Variants in PRELID2 observed in about 807,000 individuals in gnomAD.
PRELID2 encodes the protein PRELI domain-containing protein 2.
A neutral mutation model predicts 28.4 loss-of-function variants in PRELID2; 25 were observed. The ratio of observed to expected loss-of-function variants is 0.88; its 90% CI spans 0.64 to 1.23. The LOEUF (loss-of-function observed/expected upper bound fraction) is 1.23. Among genes scored for constraint, PRELID2 ranks in the 50% most tolerant of loss-of-function variants. The pLI is 0.00. For missense variants in PRELID2, 201 were observed against 214.4 expected, an observed-to-expected ratio of 0.94 and a Z score of 0.39; for synonymous variants, 76 against 71.6, an observed-to-expected ratio of 1.06 and a Z score of -0.31.
At chr5:145,611,207 AGG>A (rs1753612109) in intron 1 of PRELID2, among the ~76,000 whole-genome samples, 2 of 152,014 alleles carry the variant, frequency 1.3e-5, no homozygotes, top group African/African-American at 4.8e-5. Flanking sequence ...TCTGTTGCCC[AGG>A]CTGGAGTGCA....
the PRELID2 span, among the ~76,000 whole-genome samples, chr5:145,379,078 A>T: frequency 3.9e-5 from 6 of 152,028 alleles, no homozygotes; most frequent in African/African-American, 1.4e-4. Flanking sequence ...TTTCTGGAAG[A>T]TTTTAGGGGG....
chr5:145,456,704 G>T, the PRELID2 span, among the ~76,000 whole-genome samples: 65 of 152,252 alleles, frequency 4.3e-4, no homozygotes, highest in East Asian at 0.011. Flanking sequence ...TTTGTTGAAT[G>T]AACAAATTAA....
chr5:145,707,664 T>C (rs2149707544), intron 1 of PRELID2, among the ~76,000 whole-genome samples: 1 of 152,142 alleles, frequency 6.6e-6, no homozygotes, highest in East Asian at 1.9e-4. Context: ...TGAGGAGAAA[T>C]AAAAGGCTCT....
At chr5:145,800,359 T>C (rs1447781749) in intron 4 of PRELID2, among the ~76,000 whole-genome samples, 1 of 150,124 alleles carries the variant, frequency 6.7e-6, no homozygotes, top group Non-Finnish European at 1.5e-5. Context: ...CACTCTGACA[T>C]AAATACCTTC....
the PRELID2 span, among the ~76,000 whole-genome samples, chr5:145,336,632 T>G: frequency 6.6e-6 from 1 of 152,148 alleles, no homozygotes; most frequent in African/African-American, 2.4e-5. Context: ...CATTGATCTA[T>G]GTCTCTGTTG....
At chr5:145,271,167 T>C in the PRELID2 span, among the ~76,000 whole-genome samples, 1 of 152,134 alleles carries the variant, frequency 6.6e-6, no homozygotes, top group Admixed American at 6.6e-5. Flanking sequence ...ATGGGGATTA[T>C]CATTAGAGAC....
At chr5:145,641,350 A>G (rs535083005) in intron 1 of PRELID2, among the ~76,000 whole-genome samples, 8 of 152,344 alleles carry the variant, frequency 5.3e-5, no homozygotes, top group African/African-American at 1.9e-4. Flanking sequence ...TTAAAGAGAG[A>G]AAATCTAAAT....
At chr5:145,671,116 A>T in intron 1 of PRELID2, among the ~76,000 whole-genome samples, 1 of 152,070 alleles carries the variant, frequency 6.6e-6, no homozygotes, top group East Asian at 2.0e-4. Context: ...AATTTCCTAT[A>T]ATGACAAAAA....
intron 1 of PRELID2, among the ~76,000 whole-genome samples, chr5:145,673,088 A>G (rs921807418): frequency 2.0e-5 from 3 of 152,138 alleles, no homozygotes; most frequent in South Asian, 2.1e-4. Context: ...TCTTTAGAAG[A>G]GAGAGAACCA....
the PRELID2 span, among the ~76,000 whole-genome samples, chr5:145,420,275 A>T: frequency 1.3e-5 from 2 of 152,100 alleles, no homozygotes; most frequent in African/African-American, 4.8e-5. Flanking sequence ...GAAGAAAGTC[A>T]TTGGTAGCTT....
chr5:145,637,308 G>A (rs954367224), intron 1 of PRELID2, among the ~76,000 whole-genome samples: 42 of 152,162 alleles, frequency 2.8e-4, no homozygotes, highest in Admixed American at 2.7e-3. Flanking sequence ...TCATATGCCA[G>A]CAAAGAAAAC....
At chr5:145,380,925 T>C in the PRELID2 span, among the ~76,000 whole-genome samples, 3 of 152,210 alleles carry the variant, frequency 2.0e-5, no homozygotes, top group Non-Finnish European at 2.9e-5. Context: ...GTTTTATGCA[T>C]GTTCTAGAAC....
chr5:145,417,321 AAAG>A, the PRELID2 span, among the ~76,000 whole-genome samples: 1 of 152,210 alleles, frequency 6.6e-6, no homozygotes, highest in East Asian at 1.9e-4. Context: ...CCAAAGGTAC[AAAG>A]AAGAGCTGTT....
intron 1 of PRELID2, among the ~76,000 whole-genome samples, chr5:145,732,821 C>T (rs946418301): frequency 1.3e-5 from 2 of 151,862 alleles, no homozygotes; most frequent in African/African-American, 4.8e-5. Flanking sequence ...GAGGATAGCA[C>T]AGGGGTAGGA....
At chr5:145,576,211 T>C (rs1753059051) in intron 1 of PRELID2, among the ~76,000 whole-genome samples, 1 of 152,162 alleles carries the variant, frequency 6.6e-6, no homozygotes, top group South Asian at 2.1e-4. Flanking sequence ...CATCACTATG[T>C]TAAACTTTAA....
intron 1 of PRELID2, among the ~76,000 whole-genome samples, chr5:145,615,610 G>C (rs1212805177): frequency 8.6e-6 from 1 of 116,506 alleles, no homozygotes; most frequent in Non-Finnish European, 1.7e-5. Context: ...ACAGGCGTGA[G>C]CCACCGCGCC....
intron 4 of PRELID2, among the ~76,000 whole-genome samples, chr5:145,796,947 G>A (rs1337711085): frequency 6.6e-6 from 1 of 152,048 alleles, no homozygotes. Flanking sequence ...AATATGAAGA[G>A]TTCCTAACAC....
intron 1 of PRELID2, among the ~76,000 whole-genome samples, chr5:145,483,509 C>A (rs1043889418): frequency 6.6e-6 from 1 of 152,216 alleles, no homozygotes; most frequent in African/African-American, 2.4e-5. Flanking sequence ...TCCAATCAAT[C>A]CACAGACTCA....
At chr5:145,804,442 G>A (rs983371523) in intron 4 of PRELID2, among the ~76,000 whole-genome samples, 5 of 152,072 alleles carry the variant, frequency 3.3e-5, no homozygotes, top group African/African-American at 9.7e-5. Context: ...CCCAGGAGGC[G>A]GAGGTTGTGG....
Sources: gnomAD v4.1 joint callset for allele counts (sites outside exome capture counted in the v4.1 genomes callset) on GRCh38, gnomAD v4.1.1 for gene constraint, MANE v1.5 for transcripts, NCBI Gene and HGNC (gene_info 2026-07-23, HGNC 2026-07-21) for gene names.